The following COL25A1 variants were observed in gnomAD, a reference collection of about 807,000 sequenced individuals.
COL25A1 encodes the protein collagen type XXV alpha 1 chain.
In COL25A1, 103 loss-of-function variants were observed where a neutral mutation model predicts 128.4. The ratio of observed to expected loss-of-function variants is 0.80; its 90% CI spans 0.68 to 0.94. The LOEUF (loss-of-function observed/expected upper bound fraction) is 0.94, where lower values mean the gene tolerates loss of function less well. Ranked by LOEUF, COL25A1 falls within the 40% of genes least tolerant of loss-of-function variation. COL25A1 has a pLI of 0.00. For synonymous variants in COL25A1, 279 were observed against 277.2 expected (o/e 1.01, Z -0.06); for missense variants, 745 against 840.0 (o/e 0.89, Z 1.40).
intron 5 of COL25A1, among the ~76,000 whole-genome samples, chr4:109,037,970 C>G (rs2125923670): frequency 6.6e-6 from 1 of 152,066 alleles, no homozygotes; most frequent in Middle Eastern, 3.4e-3. Context: ...AAAGCTGAAT[C>G]AAGGAAATGG....
intron 3 of COL25A1, among the ~76,000 whole-genome samples, chr4:109,126,204 A>G (rs1363799311): frequency 6.6e-6 from 1 of 152,206 alleles, no homozygotes; most frequent in Non-Finnish European, 1.5e-5. Context: ...ATGCAAATGA[A>G]AAACATACTT....
chr4:108,920,743 G>GA (rs1745407420), intron 11 of COL25A1, 139 bp from the exon 12 acceptor site: 2 of 447,168 alleles, frequency 4.5e-6, no homozygotes, highest in African/African-American at 2.1e-5. Flanking sequence ...GAAAAAAAAA[G>GA]AAAAATTTCA....
chr4:108,875,930 G>A (rs545864057), intron 19 of COL25A1, among the ~76,000 whole-genome samples: 1 of 152,180 alleles, frequency 6.6e-6, no homozygotes, highest in South Asian at 2.1e-4. Flanking sequence ...GATAAAGCTG[G>A]AAACCATCAT....
chr4:108,974,906 AC>A (rs1387394753), intron 6 of COL25A1, among the ~76,000 whole-genome samples: 11 of 152,182 alleles, frequency 7.2e-5, no homozygotes, highest in African/African-American at 2.7e-4. Context: ...ACCACCCTCT[AC>A]CAACAGTAAC....
In COL25A1 at chr4:109,147,052, G is replaced by C. The variant is rs569319575; in HGVS notation, c.368-96873C>G. Among the ~76,000 whole-genome samples the C allele has an allele frequency of 1.3e-3, 201 of 152,332 alleles. 4 individuals are homozygous for C. Among genetic ancestry groups the C allele is most frequent in the South Asian group, 9.3e-3 (45 of 4,826 alleles). ...GAGGATCAAAGTATTCTCTATGAGA[G>C]GAGGCTTTGGCAAGAGAAGGGGTAA... On this transcript the variant is annotated intron_variant, in intron 3 of 37. Coordinates refer to ENST00000399132, the MANE Select transcript of COL25A1 (RefSeq NM_198721.4).
chr4:109,289,217 T>G (rs1275320040), intron 3 of COL25A1, among the ~76,000 whole-genome samples: 5 of 152,138 alleles, frequency 3.3e-5, no homozygotes, highest in African/African-American at 7.2e-5. Flanking sequence ...TCTATAGACA[T>G]GCAAACTCTG....
chr4:109,035,041 T>C (rs1184545701), intron 5 of COL25A1, among the ~76,000 whole-genome samples: 1 of 152,212 alleles, frequency 6.6e-6, no homozygotes, highest in Non-Finnish European at 1.5e-5. Flanking sequence ...ATACCATTTT[T>C]GGTATCCTAA....
intron 19 of COL25A1, among the ~76,000 whole-genome samples, chr4:108,874,273 GA>G (rs1485815887): frequency 6.6e-6 from 1 of 152,164 alleles, no homozygotes; most frequent in Non-Finnish European, 1.5e-5. Context: ...GTTTATATTG[GA>G]ATGTATAATG....
At chr4:108,917,118 G>A (rs1032525606) in intron 13 of COL25A1, among the ~76,000 whole-genome samples, 4 of 152,140 alleles carry the variant, frequency 2.6e-5, no homozygotes, top group African/African-American at 9.7e-5. Context: ...ATGAGAAACT[G>A]AGGCCAGAGA....
chr4:109,249,171 C>A (rs189341945), intron 3 of COL25A1, among the ~76,000 whole-genome samples: 1 of 152,164 alleles, frequency 6.6e-6, no homozygotes. Flanking sequence ...GCTCCATAGG[C>A]AAAAGTAATG....
intron 11 of COL25A1, among the ~76,000 whole-genome samples, chr4:108,937,452 T>C (rs953243923): frequency 6.6e-6 from 1 of 152,164 alleles, no homozygotes; most frequent in African/African-American, 2.4e-5. Context: ...CTAATTCATT[T>C]AGTCAGACCT....
chr4:109,062,715 T>C (rs1474867916), intron 3 of COL25A1, among the ~76,000 whole-genome samples: 1 of 152,232 alleles, frequency 6.6e-6, no homozygotes, highest in East Asian at 1.9e-4. Flanking sequence ...TGCATATTTA[T>C]GAATATGACT....
intron 3 of COL25A1, among the ~76,000 whole-genome samples, chr4:109,146,818 A>G (rs373512993): frequency 1.8e-4 from 27 of 152,272 alleles, no homozygotes; most frequent in African/African-American, 4.1e-4. Flanking sequence ...TCAATTAATG[A>G]CCTCCAAATT....
At position 108,835,773 on chromosome 4, in the gene COL25A1, G is replaced by A. The variant is rs1022567616; in HGVS notation, c.1657-3340C>T. 4.0e-5 allele frequency among the ~76,000 whole-genome samples: 6 copies of A among 148,978 alleles called. No homozygotes were observed. In the South Asian group the frequency reaches 6.4e-4, roughly 16 times the overall value. On this transcript the variant is annotated intron_variant, in intron 31 of 37. Coordinates refer to ENST00000399132, the MANE Select transcript of COL25A1 (RefSeq NM_198721.4). ...TCATCATGTTGGCCAGGCTGTTCTC[G>A]AACTCCTGATCTCCACTGATCACTT...
At chr4:108,938,408 G>C (rs774971760) in intron 10 of COL25A1, among the ~76,000 whole-genome samples, 53 of 152,072 alleles carry the variant, frequency 3.5e-4, no homozygotes, top group Non-Finnish European at 6.6e-4. Flanking sequence ...GTATTTCACA[G>C]TTTATTTTTA....
chr4:109,042,832 T>C (rs2125930419), intron 5 of COL25A1, among the ~76,000 whole-genome samples: 1 of 152,256 alleles, frequency 6.6e-6, no homozygotes, highest in East Asian at 1.9e-4. Flanking sequence ...ATTAGATGAT[T>C]TGCGAGTTTG....
At chr4:108,983,710 G>A (rs1289112479) in intron 6 of COL25A1, among the ~76,000 whole-genome samples, 3 of 151,486 alleles carry the variant, frequency 2.0e-5, no homozygotes, top group African/African-American at 7.3e-5. Flanking sequence ...GTGAAGCTGC[G>A]GACCTTCGCA....
intron 3 of COL25A1, among the ~76,000 whole-genome samples, chr4:109,215,183 G>A (rs1270090149): frequency 2.0e-5 from 3 of 152,082 alleles, no homozygotes; most frequent in African/African-American, 7.2e-5. Context: ...AACAAGTTAG[G>A]TCATTTTTTA....
chr4:109,053,982 T>G (rs1761217022), intron 3 of COL25A1, among the ~76,000 whole-genome samples: 2 of 152,176 alleles, frequency 1.3e-5, no homozygotes, highest in African/African-American at 4.8e-5. Flanking sequence ...AAGGTGGCTA[T>G]CTCATTACGA....
Sources: allele counts gnomAD v4.1 joint callset (sites outside exome capture counted in the v4.1 genomes callset), GRCh38; gene constraint gnomAD v4.1.1; transcripts MANE v1.5; gene names NCBI Gene and HGNC (gene_info 2026-07-23, HGNC 2026-07-21).